The following ACTN1 variants were observed in gnomAD, a reference collection of about 807,000 sequenced individuals.
ACTN1 encodes the protein actinin alpha 1, also known as alpha-actinin-1.
Under a neutral mutation model 119.6 loss-of-function variants are expected in ACTN1, and 30 were observed. The observed-to-expected ratio is 0.25, with a 90% CI of 0.19 to 0.34. The LOEUF is 0.34. Ranked by LOEUF, ACTN1 falls within the 10% of genes least tolerant of loss-of-function variation. ACTN1 has a pLI of 1.00. For synonymous variants in ACTN1, 429 were observed against 472.6 expected (o/e 0.91, Z 1.20); for missense variants, 764 against 1,223.4 (o/e 0.62, Z 5.60).
intron 1 of ACTN1, among the ~76,000 whole-genome samples, chr14:68,973,160 C>G (rs2036947172): frequency 6.6e-6 from 1 of 152,134 alleles, no homozygotes; most frequent in Non-Finnish European, 1.5e-5. Context: ...GCAACCCTCT[C>G]CATGCGTTTC....
chr14:68,929,688 C>G (rs1300549677), intron 1 of ACTN1, among the ~76,000 whole-genome samples: 1 of 152,172 alleles, frequency 6.6e-6, no homozygotes, highest in Admixed American at 6.5e-5. Context: ...CGCAGAGCAG[C>G]GGCAACGGCC....
At chr14:68,918,447 G>T (rs75026063) in intron 3 of ACTN1, among the ~76,000 whole-genome samples, 3 of 151,846 alleles carry the variant, frequency 2.0e-5, no homozygotes, top group Non-Finnish European at 4.4e-5. Context: ...TTAGCCAGGC[G>T]TGGTGGTGGG....
At position 68,880,059 on chromosome 14, in the gene ACTN1, A is replaced by G. The variant is rs1566589885; in HGVS notation, c.2183T>C (p.Ile728Thr). The part of the protein sequence containing the change: ...EQLLTTIART[I>T]NEVENQILTR... ...CAGGATCTGGTTCTCTACCTCATTG[A>G]TGGTCCTGGCGATGGTGGTGAGCAG... Residue 728 changes from isoleucine (I) to threonine (T), a missense_variant, in exon 18 of 22, where the codon ATC (isoleucine) becomes ACC (threonine). Transcript: ENST00000394419. The surrounding 1 kb of genome is among the most constrained non-coding windows in gnomAD (Gnocchi z 4.6). 1 of 1,614,144 alleles carries G rather than the reference A, an allele frequency of 6.2e-7. No individual in the cohort carries two copies. Among genetic ancestry groups the G allele is most frequent in the African/African-American group, 1.3e-5 (1 of 75,054 alleles).
chr14:68,930,651 CCAGGCCTAT>C (rs2035183135), intron 1 of ACTN1, among the ~76,000 whole-genome samples: 1 of 152,190 alleles, frequency 6.6e-6, no homozygotes, highest in South Asian at 2.1e-4. Context: ...GACTGCAAAT[CCAGGCCTAT>C]CAGCTTCTAG....
intron 1 of ACTN1, among the ~76,000 whole-genome samples, chr14:68,945,580 A>T (rs2035919258): frequency 6.6e-6 from 1 of 152,218 alleles, no homozygotes; most frequent in Non-Finnish European, 1.5e-5. Context: ...AAGATCACGA[A>T]AAGGTCCCAG....
chr14:68,892,103 G>A lies in ACTN1; in HGVS notation c.1036C>T (p.Arg346Trp), dbSNP rs1487660594. The A allele has an allele frequency of 8.1e-6, 13 of 1,613,688 alleles. No homozygotes were observed. The highest frequency in any genetic ancestry group is 9.3e-6 in the Non-Finnish European group (11 of 1,179,990). Residue 346 changes from arginine (R) to tryptophan (W), a missense_variant, in exon 10 of 22, where the codon CGG becomes TGG. Arg to Trp is a moderately radical substitution (Grantham distance 101). Coordinates refer to ENST00000394419, the MANE Select transcript of ACTN1 (RefSeq NM_001130004.2). ...INFNTLQTKL[R>W]LSNRPAFMPS... ...ATGAAGGCAGGCCGGTTGCTGAGCC[G>A]CAGCTTGGTCTGCAGCGTGTTGAAG...
chr14:68,946,561 G>T (rs1236659321), intron 1 of ACTN1, among the ~76,000 whole-genome samples: 1 of 152,180 alleles, frequency 6.6e-6, no homozygotes, highest in African/African-American at 2.4e-5. Context: ...CCCTGAGGAG[G>T]AGTCCCAGCC....
chr14:68,912,747 AAAAG>A (rs1480401063), intron 3 of ACTN1, among the ~76,000 whole-genome samples: 6 of 152,168 alleles, frequency 3.9e-5, no homozygotes, highest in Non-Finnish European at 8.8e-5. Context: ...GGGGCACAAA[AAAAG>A]GGTGTAATCA....
intron 1 of ACTN1, among the ~76,000 whole-genome samples, chr14:68,969,392 G>C (rs1050700650): frequency 6.6e-6 from 1 of 152,098 alleles, no homozygotes; most frequent in Non-Finnish European, 1.5e-5. Flanking sequence ...GCCACCTCCT[G>C]CATCTCCCAG....
chr14:68,939,113 C>G (rs544690334), intron 1 of ACTN1, among the ~76,000 whole-genome samples: 1 of 152,234 alleles, frequency 6.6e-6, no homozygotes, highest in Non-Finnish European at 1.5e-5. Context: ...CCATCCAAGG[C>G]CCCCCAGAAG....
At chr14:68,890,405 T>G in intron 10 of ACTN1, 119 bp from the exon 11 acceptor site, 1 of 1,206,234 alleles carries the variant, frequency 8.3e-7, no homozygotes, top group Non-Finnish European at 1.1e-6. Flanking sequence ...TCCCTATCTC[T>G]GCCCCATATC....
intron 3 of ACTN1, among the ~76,000 whole-genome samples, chr14:68,918,319 C>T (rs1041418908): frequency 1.9e-4 from 29 of 152,288 alleles, no homozygotes; most frequent in Middle Eastern, 3.4e-3. Flanking sequence ...CGGTGGCTCA[C>T]GCCTGTAATC....
In ACTN1 at chr14:68,877,195, G is replaced by A. The variant is rs1037154091; in HGVS notation, c.2473C>T (p.Arg825Cys). ...GCCTGGAATGTCACTACCCCCAGGC[G>A]GTTGGGGTCCACAATGCTCATGATG... ...ARIMSIVDPN[R>C]LGVVTFQAFI... Residue 825 changes from arginine (R) to cysteine (C), a missense_variant, in exon 21 of 22, where the codon CGC becomes TGC. By Grantham distance (180) the Arg-to-Cys change is radical (BLOSUM62 -3). This residue lies in a region of ACTN1 where 544 missense variants were observed against 912.0 expected (regional missense o/e 0.60). Coordinates refer to ENST00000394419, the MANE Select transcript of ACTN1 (RefSeq NM_001130004.2). 6 of 1,614,066 alleles carry A rather than the reference G, an allele frequency of 3.7e-6. No homozygotes were observed. The highest frequency in any genetic ancestry group is 1.1e-5 in the South Asian group (1 of 91,092).
chr14:68,976,485 G>A (rs149054132), intron 1 of ACTN1, among the ~76,000 whole-genome samples: 148 of 152,312 alleles, frequency 9.7e-4, no homozygotes, highest in African/African-American at 3.4e-3. Context: ...TGAGGCCCAC[G>A]AAAGATAATC....
At chr14:68,896,224 A>G (rs1293081264) in intron 8 of ACTN1, among the ~76,000 whole-genome samples, 2 of 152,102 alleles carry the variant, frequency 1.3e-5, no homozygotes, top group Non-Finnish European at 2.9e-5. Flanking sequence ...ACTACGGCAG[A>G]ATCCTCAGAA....
intron 11 of ACTN1, chr14:68,886,510 G>A (rs1446786705): frequency 6.6e-6 from 1 of 152,212 alleles, no homozygotes; most frequent in Non-Finnish European, 1.5e-5. Context: ...AGCAGCACAT[G>A]GGCCGGGCAC....
At chr14:68,892,369 C>T in intron 9 of ACTN1, 86 bp from the exon 10 acceptor site, 4 of 1,401,880 alleles carry the variant, frequency 2.9e-6, no homozygotes. Context: ...CCCAACAGCC[C>T]TCCCACATGG....
At chr14:68,912,538 G>A (rs187116535) in intron 3 of ACTN1, among the ~76,000 whole-genome samples, 4 of 151,984 alleles carry the variant, frequency 2.6e-5, no homozygotes, top group African/African-American at 4.8e-5. Context: ...CACCACACCC[G>A]GCTAATTTTT....
At chr14:68,961,522 G>C (rs570690618) in intron 1 of ACTN1, among the ~76,000 whole-genome samples, 1 of 152,262 alleles carries the variant, frequency 6.6e-6, no homozygotes, top group East Asian at 1.9e-4. Flanking sequence ...TGGGTGTTCT[G>C]ATGCATCTCA....
Sources: allele counts gnomAD v4.1 joint callset (sites outside exome capture counted in the v4.1 genomes callset), GRCh38; gene constraint gnomAD v4.1.1; regional missense constraint gnomAD v4.1.1; non-coding constraint Gnocchi (gnomAD v3.1); transcripts MANE v1.5; gene names NCBI Gene and HGNC (gene_info 2026-07-23, HGNC 2026-07-21).